The following ADGRL2 variants were observed in gnomAD, a reference collection of about 807,000 sequenced individuals.
The protein encoded by ADGRL2 is adhesion G protein-coupled receptor L2.
In ADGRL2, 44 loss-of-function variants were observed where a neutral mutation model predicts 157.4. The observed-to-expected ratio is 0.28, with a 90% CI of 0.22 to 0.36. The LOEUF is 0.36. Ranked by LOEUF, ADGRL2 falls within the 10% of genes least tolerant of loss-of-function variation. ADGRL2 has a pLI of 1.00. For synonymous variants in ADGRL2, 585 were observed against 624.7 expected, an observed-to-expected ratio of 0.94 and a Z score of 0.95; for missense variants, 1,510 against 1,768.9, an observed-to-expected ratio of 0.85 and a Z score of 2.63.
intron 3 of ADGRL2, among the ~76,000 whole-genome samples, chr1:81,682,056 C>T (rs1411048762): frequency 6.6e-6 from 1 of 151,592 alleles, no homozygotes; most frequent in Admixed American, 6.6e-5. Flanking sequence ...TTTGGTTTGG[C>T]AATTTGAAGT....
At chr1:81,857,326 A>G (rs953689999) in intron 2 of ADGRL2, among the ~76,000 whole-genome samples, 2 of 152,184 alleles carry the variant, frequency 1.3e-5, no homozygotes, top group African/African-American at 2.4e-5. Flanking sequence ...TTGTGGTTTA[A>G]TCATGCATAA....
At chr1:81,777,216 C>A (rs569252569) in intron 2 of ADGRL2, among the ~76,000 whole-genome samples, 1 of 152,130 alleles carries the variant, frequency 6.6e-6, no homozygotes, top group East Asian at 1.9e-4. Flanking sequence ...AGATTATATT[C>A]TCCATTATTC....
chr1:81,450,865 T>TA (rs1011911576), intron 2 of ADGRL2, among the ~76,000 whole-genome samples: 6 of 152,076 alleles, frequency 3.9e-5, no homozygotes, highest in Non-Finnish European at 8.8e-5. Context: ...GCTAATGACT[T>TA]AGAGTCCCCC....
chr1:81,702,506 A>G (rs1228067942), intron 1 of ADGRL2, among the ~76,000 whole-genome samples: 1 of 152,168 alleles, frequency 6.6e-6, no homozygotes. Context: ...ACTCCAGGGT[A>G]TCTTCATGAT....
At chr1:81,782,264 C>T (rs180762186) in intron 2 of ADGRL2, among the ~76,000 whole-genome samples, 1 of 152,268 alleles carries the variant, frequency 6.6e-6, no homozygotes, top group Admixed American at 6.5e-5. Flanking sequence ...ATCCCCTACC[C>T]TGTTTCCTTC....
intron 2 of ADGRL2, among the ~76,000 whole-genome samples, chr1:81,840,000 T>C (rs912902652): frequency 2.0e-5 from 3 of 150,478 alleles, no homozygotes; most frequent in Non-Finnish European, 3.0e-5. Context: ...CACTCGTTGA[T>C]TGATGGGCAT....
intron 1 of ADGRL2, among the ~76,000 whole-genome samples, chr1:81,720,447 C>T (rs1015299338): frequency 6.6e-6 from 1 of 151,928 alleles, no homozygotes; most frequent in African/African-American, 2.4e-5. Context: ...CTGAGATTAA[C>T]AGGCATGAGT....
chr1:81,835,690 G>C (rs2092241248), intron 1 of ADGRL2, among the ~76,000 whole-genome samples: 1 of 152,026 alleles, frequency 6.6e-6, no homozygotes, highest in South Asian at 2.1e-4. Flanking sequence ...TACTGATGTT[G>C]GTGATGCCTC....
intron 1 of ADGRL2, among the ~76,000 whole-genome samples, chr1:81,380,074 C>G (rs2076317749): frequency 6.6e-6 from 1 of 152,180 alleles, no homozygotes; most frequent in Non-Finnish European, 1.5e-5. Flanking sequence ...TTCCCTAACA[C>G]GCAAAAAATT....
chr1:81,525,104 A>G (rs1264827727), intron 2 of ADGRL2, among the ~76,000 whole-genome samples: 4 of 152,134 alleles, frequency 2.6e-5, no homozygotes, highest in Admixed American at 2.0e-4. Flanking sequence ...CAAAAAATAA[A>G]CTAAAATATA....
intron 1 of ADGRL2, chr1:81,721,817 C>A: frequency 2.0e-6 from 2 of 1,016,850 alleles, no homozygotes; most frequent in Non-Finnish European, 3.1e-6. Flanking sequence ...TAAAGTACCA[C>A]CTGCTACTCA....
In ADGRL2 at chr1:81,993,008, G is replaced by A. The variant is rs1664811856; in HGVS notation, c.*1863G>A. 8.0e-6 allele frequency among the ~76,000 whole-genome samples: 1 copy of A among 125,738 alleles called. No individual in the cohort carries two copies. The highest frequency in any genetic ancestry group is 2.4e-4 in the East Asian group (1 of 4,194). 82.5% of individuals were successfully genotyped at this position (125,738 alleles called of 152,430 possible). ...TTATGTGGACACACACATGCCTATTGAATTTAAAAAGGAATGAGATTTAAA... is the reference window on the plus strand; with the variant it reads ...TTATGTGGACACACACATGCCTATTAAATTTAAAAAGGAATGAGATTTAAA... On this transcript the variant is annotated 3_prime_UTR_variant, in exon 24 of 24. Coordinates refer to ENST00000686636, the MANE Select transcript of ADGRL2 (RefSeq NM_001366006.2).
chr1:81,738,884 A>G (rs1052343361), intron 1 of ADGRL2, among the ~76,000 whole-genome samples: 3 of 152,124 alleles, frequency 2.0e-5, no homozygotes, highest in Non-Finnish European at 4.4e-5. Flanking sequence ...CTTCACAACA[A>G]TTAACCTGGT....
At chr1:81,850,467 A>G (rs1441651983) in intron 2 of ADGRL2, among the ~76,000 whole-genome samples, 1 of 151,932 alleles carries the variant, frequency 6.6e-6, no homozygotes, top group Non-Finnish European at 1.5e-5. Context: ...ACAAAATCTA[A>G]AAGGCATGGT....
chr1:81,977,708 T>G (rs1047700974), intron 17 of ADGRL2, among the ~76,000 whole-genome samples: 43 of 151,754 alleles, frequency 2.8e-4, no homozygotes, highest in Non-Finnish European at 5.3e-4. Context: ...GTTTTAGTAC[T>G]ACTAATATTT....
At chr1:81,384,708 C>T (rs1302546332) in intron 1 of ADGRL2, among the ~76,000 whole-genome samples, 1 of 152,042 alleles carries the variant, frequency 6.6e-6, no homozygotes, top group Admixed American at 6.6e-5. Flanking sequence ...TGAATACCTT[C>T]TGATCATTTA....
intron 1 of ADGRL2, among the ~76,000 whole-genome samples, chr1:81,820,323 T>G (rs2149833722): frequency 6.6e-6 from 1 of 152,312 alleles, no homozygotes; most frequent in Non-Finnish European, 1.5e-5. Context: ...ATTAAAGTGT[T>G]ATAACACTGA....
intron 1 of ADGRL2, among the ~76,000 whole-genome samples, chr1:81,319,114 A>AT (rs1364925463): frequency 1.7e-3 from 240 of 138,034 alleles, no homozygotes; most frequent in African/African-American, 3.9e-3. Context: ...CTAATTTTGT[A>AT]TTTTTTTTTT....
rs144901814 is a variant in ADGRL2, at chr1:81,396,183, C to T, written c.-301-48853C>T. On this transcript the variant is annotated intron_variant, in intron 1 of 24. Transcript: ENST00000370721. ...TTGCGTCCTCTACAATTTCTTTCATCAATGTTTTTAGTTCTCCTTGTAGAG... is the reference window on the plus strand; with the variant it reads ...TTGCGTCCTCTACAATTTCTTTCATTAATGTTTTTAGTTCTCCTTGTAGAG... Among the ~76,000 whole-genome samples, 340 of 152,212 alleles carry T rather than the reference C, an allele frequency of 2.2e-3. 5 individuals are homozygous for T. The East Asian group carries it at 0.026, about 12-fold the overall frequency.
Sources: allele counts gnomAD v4.1 joint callset (sites outside exome capture counted in the v4.1 genomes callset), GRCh38; gene constraint gnomAD v4.1.1; transcripts MANE v1.5; gene names NCBI Gene and HGNC (gene_info 2026-07-23, HGNC 2026-07-21).